The following RANBP2 variants were observed in gnomAD, a reference collection of about 807,000 sequenced individuals.
The protein encoded by RANBP2 is RAN binding protein 2.
In RANBP2, 57 loss-of-function variants were observed where a neutral mutation model predicts 303.6. The ratio of observed to expected loss-of-function variants is 0.19; its 90% CI spans 0.15 to 0.23. RANBP2 has a LOEUF of 0.23. Among genes scored for constraint, RANBP2 ranks in the 10% least tolerant of loss-of-function variants. The pLI is 1.00. For missense variants in RANBP2, 3,138 were observed against 3,780.8 expected (o/e 0.83, Z 4.46); for synonymous variants, 1,167 against 1,301.5 (o/e 0.90, Z 2.23).
At chr2:109,647,900 T>A in the RANBP2 span, among the ~76,000 whole-genome samples, 1 of 152,226 alleles carries the variant, frequency 6.6e-6, no homozygotes, top group African/African-American at 2.4e-5. Context: ...ATTCCACAAA[T>A]GCCCGTTAGC....
chr2:109,205,108 G>T, the RANBP2 span, among the ~76,000 whole-genome samples: 1 of 152,168 alleles, frequency 6.6e-6, no homozygotes, highest in African/African-American at 2.4e-5. Flanking sequence ...TTGGGAGGCC[G>T]AGGTAGGAGG....
chr2:108,943,004 C>G, the RANBP2 span, among the ~76,000 whole-genome samples: 3 of 152,196 alleles, frequency 2.0e-5, no homozygotes, highest in African/African-American at 7.2e-5. Context: ...GGCGTTTCAC[C>G]GGGCAGGTGA....
the RANBP2 span, among the ~76,000 whole-genome samples, chr2:109,415,461 G>A: frequency 1.5e-3 from 227 of 152,276 alleles, 2 homozygotes; most frequent in African/African-American, 5.3e-3. Context: ...CTACCATCAC[G>A]GGTGCTACAG....
At chr2:109,148,665 G>C in the RANBP2 span, among the ~76,000 whole-genome samples, 1 of 152,196 alleles carries the variant, frequency 6.6e-6, no homozygotes, top group Non-Finnish European at 1.5e-5. Context: ...ATGTGAAAGG[G>C]ATAATTTCTA....
the RANBP2 span, among the ~76,000 whole-genome samples, chr2:108,833,726 C>CT: frequency 1.3e-4 from 12 of 90,994 alleles, no homozygotes; most frequent in South Asian, 1.1e-3. Flanking sequence ...GTGGAGTAAA[C>CT]TTTTTTTTTT....
chr2:109,585,044 A>C, the RANBP2 span: 1 of 724,314 alleles, frequency 1.4e-6, no homozygotes, highest in Non-Finnish European at 2.1e-6. Context: ...ATAGGAGAAA[A>C]TCAAATCATA....
At chr2:109,002,459 C>T in the RANBP2 span, among the ~76,000 whole-genome samples, 1 of 152,064 alleles carries the variant, frequency 6.6e-6, no homozygotes, top group Non-Finnish European at 1.5e-5. Flanking sequence ...CTGGAGTGGC[C>T]TTTCTATGAT....
chr2:109,440,823 C>T, the RANBP2 span, among the ~76,000 whole-genome samples: 1 of 152,128 alleles, frequency 6.6e-6, no homozygotes, highest in Non-Finnish European at 1.5e-5. Flanking sequence ...GGTGACAACT[C>T]ATCTGCATAT....
intron 19 of RANBP2, among the ~76,000 whole-genome samples, chr2:108,762,845 A>G (rs1448903093): frequency 6.6e-6 from 1 of 152,148 alleles, no homozygotes; most frequent in Non-Finnish European, 1.5e-5. Context: ...CATTTGATAA[A>G]TTAGGAATGA....
At chr2:108,974,055 C>A in the RANBP2 span, among the ~76,000 whole-genome samples, 29,963 of 151,774 alleles carry the variant, frequency 0.2, 4,470 homozygotes, top group East Asian at 0.84. Flanking sequence ...ATTGGTCAGG[C>A]GCGGTGGCTC....
chr2:109,208,110 C>T, the RANBP2 span, among the ~76,000 whole-genome samples: 1 of 152,258 alleles, frequency 6.6e-6, no homozygotes, highest in Admixed American at 6.5e-5. Context: ...CTCAGACACA[C>T]ATGCTGCTGC....
At chr2:109,294,542 T>C in the RANBP2 span, among the ~76,000 whole-genome samples, 4 of 134,656 alleles carry the variant, frequency 3.0e-5, no homozygotes, top group African/African-American at 8.5e-5. Flanking sequence ...GCTTGTGTGA[T>C]AGAGGGAGAC....
chr2:108,969,652 A>G, the RANBP2 span, among the ~76,000 whole-genome samples: 2 of 152,212 alleles, frequency 1.3e-5, no homozygotes, highest in Admixed American at 6.5e-5. Flanking sequence ...TGGGTCATTT[A>G]AAGAAAAGAT....
At chr2:109,389,699 A>G in the RANBP2 span, among the ~76,000 whole-genome samples, 2 of 152,156 alleles carry the variant, frequency 1.3e-5, no homozygotes, top group African/African-American at 2.4e-5. Context: ...TATTTTATAT[A>G]TTTTTGGTAA....
At chr2:108,739,458 A>G (rs1227549981) in intron 6 of RANBP2, among the ~76,000 whole-genome samples, 1 of 152,130 alleles carries the variant, frequency 6.6e-6, no homozygotes, top group Non-Finnish European at 1.5e-5. Context: ...AGTATGTAAA[A>G]TATAAATTTT....
At chr2:109,214,839 A>G in the RANBP2 span, among the ~76,000 whole-genome samples, 1 of 152,176 alleles carries the variant, frequency 6.6e-6, no homozygotes, top group African/African-American at 2.4e-5. Context: ...ACTGAGTTCC[A>G]AGGGCTGCTG....
chr2:108,868,914 G>T, the RANBP2 span, among the ~76,000 whole-genome samples: 1 of 151,742 alleles, frequency 6.6e-6, no homozygotes, highest in African/African-American at 2.4e-5. Flanking sequence ...AGAAAAAAAT[G>T]AAATTTTTTT....
chr2:108,998,920 G>A, the RANBP2 span, among the ~76,000 whole-genome samples: 8 of 152,294 alleles, frequency 5.3e-5, no homozygotes, highest in South Asian at 2.1e-4. Flanking sequence ...CCAGAGCCTG[G>A]TTCCCTGCTA....
chr2:108,729,014 T>C (rs941759292), intron 1 of RANBP2, 118 bp from the exon 2 acceptor site: 6 of 1,271,080 alleles, frequency 4.7e-6, no homozygotes, highest in Non-Finnish European at 5.3e-6. Context: ...AAAAAAACTT[T>C]TAAGTGAATG....
Sources: gnomAD v4.1 joint callset for allele counts (sites outside exome capture counted in the v4.1 genomes callset) on GRCh38, gnomAD v4.1.1 for gene constraint, MANE v1.5 for transcripts, NCBI Gene and HGNC (gene_info 2026-07-23, HGNC 2026-07-21) for gene names.